The following ANKRD62 variants were observed in gnomAD, a reference collection of about 807,000 sequenced individuals.
ANKRD62 encodes the protein ankyrin repeat domain 62, also known as ankyrin repeat domain-containing protein 62.
A neutral mutation model predicts 98.8 loss-of-function variants in ANKRD62; 61 were observed. The ratio of observed to expected loss-of-function variants is 0.62; its 90% CI spans 0.50 to 0.76. The LOEUF (loss-of-function observed/expected upper bound fraction) is 0.76, where lower values mean the gene tolerates loss of function less well. Among genes scored for constraint, ANKRD62 ranks in the 30% least tolerant of loss-of-function variants. ANKRD62 has a pLI of 0.00. For synonymous variants in ANKRD62, 341 were observed against 367.9 expected (o/e 0.93, Z 0.84); for missense variants, 933 against 1,082.9 (o/e 0.86, Z 1.94).
At position 12,099,655 on chromosome 18, in the gene ANKRD62, T is replaced by C. The variant is rs6505715; in HGVS notation, c.793T>C (p.Cys265Arg). The C allele has an allele frequency of 0.63, 930,749 of 1,480,440 alleles. 298,552 individuals are homozygous for C. Among genetic ancestry groups the C allele is most frequent in the Middle Eastern group, 0.69 (4,033 of 5,806 alleles). 91.7% of individuals were successfully genotyped at this position (1,480,440 alleles called of 1,614,324 possible). A position where few individuals can be genotyped will look rare whatever the true frequency, so the allele number is the denominator to read the frequency against. ...MISEYKANKR[C>R]KSLQNSNSEQ... ...TTCTGAATATAAAGCAAACAAGAGA[T>C]GTAAAAGTCTTCAAAATAGCAATTC... Residue 265 changes from cysteine (C) to arginine (R), a missense_variant, in exon 6 of 14, where the codon TGT (cysteine) becomes CGT (arginine). Physicochemically the swap from Cys to Arg is radical, Grantham distance 180 (BLOSUM62 -3). This residue lies in a region of ANKRD62 where 549 missense variants were observed against 587.9 expected (regional missense o/e 0.93). Coordinates refer to ENST00000587848, the MANE Select transcript of ANKRD62 (RefSeq NM_001277333.2).
chr18:12,103,728 C>G (rs999137576), intron 7 of ANKRD62, among the ~76,000 whole-genome samples: 5 of 152,064 alleles, frequency 3.3e-5, no homozygotes, highest in African/African-American at 1.2e-4. Flanking sequence ...CAACCCAACT[C>G]TACCTATCAA....
chr18:12,127,836 G>A lies in ANKRD62; in HGVS notation c.2651G>A (p.Arg884His), dbSNP rs999033599. The A allele has an allele frequency of 1.2e-5, 19 of 1,523,560 alleles. No homozygotes were observed. Among genetic ancestry groups the A allele is most frequent in the Middle Eastern group, 1.7e-4 (1 of 5,932 alleles). 94.4% of individuals were successfully genotyped at this position (1,523,560 alleles called of 1,614,324 possible). A position where few individuals can be genotyped will look rare whatever the true frequency, so the allele number is the denominator to read the frequency against. Residue 884 changes from arginine to histidine, a missense_variant, in exon 14 of 14, where the codon CGT becomes CAT. Transcript: ENST00000587848. ...GCTATGCTAGAGATTTCATCAGAAC[G>A]TCGTATTAATTTAGAAGATGAGGCA... Reference protein sequence around the residue: ...LEAMLEISSERRINLEDEAQS... With the variant: ...LEAMLEISSEHRINLEDEAQS...
In ANKRD62 at chr18:12,099,636, A is replaced by C; in HGVS notation, c.774A>C (p.Glu258Asp). The C allele has an allele frequency of 6.7e-7, 1 of 1,495,994 alleles. No individual in the cohort carries two copies. Among genetic ancestry groups the C allele is most frequent in the Non-Finnish European group, 8.9e-7 (1 of 1,124,970 alleles). 92.7% of individuals were successfully genotyped at this position (1,495,994 alleles called of 1,614,324 possible). The change falls in exon 6 of 14, where the codon GAA becomes GAC. Residue 258 changes from glutamate to aspartate, a missense_variant. Coordinates refer to ENST00000587848, the MANE Select transcript of ANKRD62 (RefSeq NM_001277333.2). ...KFQAIRGMIS[E>D]YKANKRCKSL... ...ATAGCATTCGTGGAATGATTTCTGA[A>C]TATAAAGCAAACAAGAGATGTAAAA... is the stretch of plus-strand genomic sequence containing the variant.
the ANKRD62 span, among the ~76,000 whole-genome samples, chr18:12,167,446 C>A: frequency 2.0e-5 from 3 of 152,120 alleles, no homozygotes; most frequent in African/African-American, 7.2e-5. Context: ...TCATCCATGT[C>A]GCTACAAAGG....
the ANKRD62 span, among the ~76,000 whole-genome samples, chr18:12,154,939 A>G: frequency 6.6e-6 from 1 of 152,170 alleles, no homozygotes; most frequent in Non-Finnish European, 1.5e-5. Flanking sequence ...GAACGCAGAG[A>G]AGGGAACAGC....
chr18:12,177,476 A>G, the ANKRD62 span, among the ~76,000 whole-genome samples: 50 of 152,114 alleles, frequency 3.3e-4, no homozygotes, highest in African/African-American at 1.1e-3. Context: ...CAGCTATGAC[A>G]TCAGTGTTTG....
downstream of ANKRD62, among the ~76,000 whole-genome samples, chr18:12,134,748 C>T (rs1910056320): frequency 1.3e-5 from 2 of 152,104 alleles, 1 homozygote; most frequent in South Asian, 4.1e-4. Context: ...TGTATATGTG[C>T]CACATTTTCT....
chr18:12,155,409 C>A, the ANKRD62 span, among the ~76,000 whole-genome samples: 1 of 152,208 alleles, frequency 6.6e-6, no homozygotes, highest in Non-Finnish European at 1.5e-5. Context: ...AATCCCAAGC[C>A]TACATAGTTT....
At chr18:12,120,126 A>G (rs1275484587) in intron 10 of ANKRD62, among the ~76,000 whole-genome samples, 1 of 152,256 alleles carries the variant, frequency 6.6e-6, no homozygotes, top group Admixed American at 6.5e-5. Flanking sequence ...AATATTGTCT[A>G]TTTTGGCAAG....
the ANKRD62 span, among the ~76,000 whole-genome samples, chr18:12,164,613 G>A: frequency 6.6e-6 from 1 of 151,712 alleles, no homozygotes; most frequent in African/African-American, 2.4e-5. Context: ...CTTGATGTAG[G>A]CAATTATAGC....
At chr18:12,129,960 A>C (rs1909977589), downstream of ANKRD62, among the ~76,000 whole-genome samples, 1 of 152,202 alleles carries the variant, frequency 6.6e-6, no homozygotes, top group Non-Finnish European at 1.5e-5. Context: ...GAATCAACGC[A>C]CAGAGATTCT....
At chr18:12,139,834 C>G in the ANKRD62 span, among the ~76,000 whole-genome samples, 8 of 152,172 alleles carry the variant, frequency 5.3e-5, no homozygotes, top group Admixed American at 5.2e-4. Context: ...CTTGGAGTTG[C>G]TCTTCTCGAG....
At chr18:12,130,982 A>T (rs1200744436), downstream of ANKRD62, among the ~76,000 whole-genome samples, 1 of 152,182 alleles carries the variant, frequency 6.6e-6, no homozygotes, top group Non-Finnish European at 1.5e-5. Context: ...GAGTCATCAC[A>T]TCTGGCCTGT....
chr18:12,124,551 G>A (rs1383347676), intron 12 of ANKRD62, among the ~76,000 whole-genome samples: 1 of 152,130 alleles, frequency 6.6e-6, no homozygotes, highest in Non-Finnish European at 1.5e-5. Context: ...TATACTTAGT[G>A]ATATTTTGTT....
the ANKRD62 span, among the ~76,000 whole-genome samples, chr18:12,135,099 T>A: frequency 6.6e-6 from 1 of 150,978 alleles, no homozygotes; most frequent in South Asian, 2.1e-4. Context: ...CGTGCAGGTG[T>A]GTTACATATG....
At chr18:12,119,269 T>C (rs1909734084) in intron 10 of ANKRD62, among the ~76,000 whole-genome samples, 1 of 152,148 alleles carries the variant, frequency 6.6e-6, no homozygotes, top group Non-Finnish European at 1.5e-5. Context: ...TTTTCTCTTC[T>C]TCTTGATCAG....
the ANKRD62 span, among the ~76,000 whole-genome samples, chr18:12,175,146 T>A: frequency 1.3e-5 from 2 of 152,258 alleles, no homozygotes; most frequent in Admixed American, 1.3e-4. Flanking sequence ...TGTGGTTGCA[T>A]TGGTGATGGT....
chr18:12,134,883 T>C, the ANKRD62 span, among the ~76,000 whole-genome samples: 1 of 152,268 alleles, frequency 6.6e-6, no homozygotes, highest in South Asian at 2.1e-4. Flanking sequence ...TTTGGGTATA[T>C]ACCCAGTAAT....
chr18:12,102,375 C>T, intron 6 of ANKRD62: 1 of 599,008 alleles, frequency 1.7e-6, no homozygotes, highest in Non-Finnish European at 3.2e-6. Context: ...TGAAGTAATG[C>T]TGAGATAGGA....
Sources: allele counts gnomAD v4.1 joint callset (sites outside exome capture counted in the v4.1 genomes callset), GRCh38; gene constraint gnomAD v4.1.1; regional missense constraint gnomAD v4.1.1; transcripts MANE v1.5; gene names NCBI Gene and HGNC (gene_info 2026-07-23, HGNC 2026-07-21).